Variants in CADM1 observed in about 807,000 individuals in gnomAD.
The protein encoded by CADM1 is TSLC-1.
CADM1 carries 15 observed loss-of-function variants against 53.1 expected under a neutral mutation model. The ratio of observed to expected loss-of-function variants is 0.28; its 90% CI spans 0.19 to 0.44. The LOEUF is 0.44. CADM1 is among the 20% of genes least tolerant of loss of function. The pLI, the probability that CADM1 is intolerant of heterozygous loss-of-function variation, is 1.00. For synonymous variants in CADM1, 281 were observed against 243.0 expected (o/e 1.16, Z -1.45); for missense variants, 434 against 611.3 (o/e 0.71, Z 3.06).
At chr11:115,327,518 G>C (rs1944990260) in intron 1 of CADM1, among the ~76,000 whole-genome samples, 1 of 121,254 alleles carries the variant, frequency 8.2e-6, no homozygotes, top group Non-Finnish European at 1.7e-5. Flanking sequence ...GAATACATAA[G>C]AGTTTTTTTT....
In CADM1 at chr11:115,354,095, G is replaced by T. The variant is rs1290411659; in HGVS notation, c.125-113675C>A. 3.3e-5 allele frequency among the ~76,000 whole-genome samples: 5 copies of T among 152,132 alleles called. No homozygotes were observed. In the East Asian group the frequency reaches 9.6e-4, roughly 29 times the overall value. The stretch of plus-strand genomic sequence containing the variant: ...TCTCTGCTGATCTGGAAGCAGAAGA[G>T]ACTAAACAATAGGGAAAACAGTTAA... On this transcript the variant is annotated intron_variant, in intron 1 of 11. Transcript: ENST00000331581.
chr11:115,295,506 TTATATATATATATATATATATA>T (rs71066412), intron 1 of CADM1, among the ~76,000 whole-genome samples: 26 of 55,038 alleles, frequency 4.7e-4, no homozygotes, highest in South Asian at 1.2e-3. Flanking sequence ...TCAAGATATT[TTATATATATATATATATATATA>T]TATATATATA....
chr11:115,320,715 T>C (rs1453246043), intron 1 of CADM1, among the ~76,000 whole-genome samples: 2 of 151,754 alleles, frequency 1.3e-5, no homozygotes, highest in East Asian at 3.9e-4. Context: ...TTTAATTAAA[T>C]ATAAGTCAGG....
At chr11:115,348,289 A>G (rs146485415) in intron 1 of CADM1, among the ~76,000 whole-genome samples, 17 of 152,332 alleles carry the variant, frequency 1.1e-4, no homozygotes, top group Admixed American at 3.9e-4. Context: ...GCTAATAAAG[A>G]TGGTAAATTA....
chr11:115,413,644 C>CTTTTTT (rs71066424), intron 1 of CADM1, among the ~76,000 whole-genome samples: 3 of 120,916 alleles, frequency 2.5e-5, no homozygotes, highest in Non-Finnish European at 5.3e-5. Flanking sequence ...CAGCTCAGTT[C>CTTTTTT]TTTTTTTTTT....
intron 1 of CADM1, among the ~76,000 whole-genome samples, chr11:115,395,946 A>C (rs1221341295): frequency 6.6e-6 from 1 of 152,168 alleles, no homozygotes; most frequent in Non-Finnish European, 1.5e-5. Context: ...TTCCATTTGT[A>C]CCATTGGTTC....
intron 7 of CADM1, among the ~76,000 whole-genome samples, chr11:115,214,156 T>C (rs1170895934): frequency 6.6e-6 from 1 of 152,250 alleles, no homozygotes; most frequent in Non-Finnish European, 1.5e-5. Context: ...GAGTATTTAC[T>C]GGCTTACAAC....
intron 1 of CADM1, among the ~76,000 whole-genome samples, chr11:115,464,472 C>G (rs1170734150): frequency 6.6e-6 from 1 of 152,126 alleles, no homozygotes; most frequent in Non-Finnish European, 1.5e-5. Context: ...CTCCATTTCC[C>G]CATTGATGAG....
intron 1 of CADM1, among the ~76,000 whole-genome samples, chr11:115,438,350 G>A (rs1948229426): frequency 1.3e-5 from 2 of 152,016 alleles, no homozygotes; most frequent in African/African-American, 4.8e-5. Context: ...TCAGTAGCCT[G>A]GTGGCAGCAG....
In CADM1 at chr11:115,450,610, G is replaced by A. The variant is rs574758534; in HGVS notation, c.124+53661C>T. The stretch of plus-strand genomic sequence containing the variant: ...ACTTTGATTTGGTACATGAGAAAAC[G>A]TATTTTTCATTACATCCCTTATCCT... On this transcript the variant is annotated intron_variant, in intron 1 of 11. Transcript: ENST00000331581. Among the ~76,000 whole-genome samples, 9 of 152,164 alleles carry A rather than the reference G, an allele frequency of 5.9e-5. No individual in the cohort carries two copies. In the South Asian group the frequency reaches 6.2e-4, roughly 10 times the overall value.
chr11:115,260,896 G>C (rs1369559237), intron 1 of CADM1, among the ~76,000 whole-genome samples: 1 of 151,872 alleles, frequency 6.6e-6, no homozygotes, highest in Non-Finnish European at 1.5e-5. Context: ...GGATGGTCTT[G>C]ATCTTCTGAC....
At chr11:115,411,746 G>T (rs1245402994) in intron 1 of CADM1, among the ~76,000 whole-genome samples, 1 of 151,816 alleles carries the variant, frequency 6.6e-6, no homozygotes, top group Non-Finnish European at 1.5e-5. Flanking sequence ...AGTTATCAAC[G>T]ATTTGGGGCC....
Position 115,174,125 on chromosome 11 carries a change from A to C in CADM1, c.*2349T>G. On this transcript the variant is annotated 3_prime_UTR_variant, in exon 12 of 12. Transcript: ENST00000331581. ...CAATCTACCTGAGACGGAAAACACC[A>C]ATCGCAACACATGAACCTGAGACAT... 1.0e-6 allele frequency: 1 copy of C among 985,390 alleles called. No individual in the cohort carries two copies. The highest frequency in any genetic ancestry group is 1.2e-6 in the Non-Finnish European group (1 of 829,886). 61.0% of individuals were successfully genotyped at this position (985,390 alleles called of 1,614,324 possible).
At position 115,176,332 on chromosome 11, in the gene CADM1, G is replaced by A. The variant is rs1206409290; in HGVS notation, c.*142C>T. The A allele has an allele frequency of 9.8e-6, 15 of 1,533,488 alleles. No individual in the cohort carries two copies. Among genetic ancestry groups the A allele is most frequent in the Non-Finnish European group, 1.1e-5 (12 of 1,138,356 alleles). The allele number at this position is 1,533,488 out of a possible 1,614,324, so 95.0% of individuals were successfully genotyped here. Reference sequence around the variant, plus strand: ...AGAACATTTTTTTTTTTTTTACACAGCAAATCCCAAGCCTTCCCAGTCTCA... The same window carrying A: ...AGAACATTTTTTTTTTTTTTACACAACAAATCCCAAGCCTTCCCAGTCTCA... On this transcript the variant is annotated 3_prime_UTR_variant, in exon 12 of 12. Transcript: ENST00000331581.
At chr11:115,385,740 C>G (rs45608938) in intron 1 of CADM1, among the ~76,000 whole-genome samples, 5,632 of 152,098 alleles carry the variant, frequency 0.037, 128 homozygotes, top group Middle Eastern at 0.075. Flanking sequence ...GTAGATAAAG[C>G]CTTAATTTCA....
At chr11:115,459,316 T>A (rs1009079212) in intron 1 of CADM1, among the ~76,000 whole-genome samples, 4 of 152,186 alleles carry the variant, frequency 2.6e-5, no homozygotes, top group African/African-American at 9.7e-5. Flanking sequence ...GGCCTAACTT[T>A]CACAAATAAC....
intron 7 of CADM1, among the ~76,000 whole-genome samples, chr11:115,210,429 G>A (rs1023594595): frequency 3.3e-5 from 5 of 152,112 alleles, no homozygotes; most frequent in Admixed American, 3.3e-4. Context: ...CCAGGAACCT[G>A]ATAGGGAACC....
chr11:115,238,446 A>G (rs1424008168), intron 3 of CADM1, 54 bp downstream of exon 3: 1 of 1,572,254 alleles, frequency 6.4e-7, no homozygotes. Context: ...TTGCTGCTGT[A>G]AAAGGGCCAT....
chr11:115,217,420 A>G (rs1941233655), intron 6 of CADM1, among the ~76,000 whole-genome samples: 1 of 152,176 alleles, frequency 6.6e-6, no homozygotes, highest in Admixed American at 6.5e-5. Context: ...TATGAATGAC[A>G]CTTTTCTTTG....
Sources: allele counts gnomAD v4.1 joint callset (sites outside exome capture counted in the v4.1 genomes callset), GRCh38; gene constraint gnomAD v4.1.1; transcripts MANE v1.5; gene names NCBI Gene and HGNC (gene_info 2026-07-23, HGNC 2026-07-21).